The following ETV6 variants were observed in gnomAD, a reference collection of about 807,000 sequenced individuals.
The protein encoded by ETV6 is transcription factor ETV6.
A neutral mutation model predicts 51.1 loss-of-function variants in ETV6; 16 were observed. The observed-to-expected ratio is 0.31, with a 90% CI of 0.21 to 0.48. The LOEUF is 0.48. Among genes scored for constraint, ETV6 ranks in the 20% least tolerant of loss-of-function variants. ETV6 has a pLI of 0.99. For missense variants in ETV6, 458 were observed against 594.8 expected (o/e 0.77, Z 2.39); for synonymous variants, 240 against 224.1 (o/e 1.07, Z -0.64).
At chr12:11,794,858 T>C (rs1480930390) in intron 2 of ETV6, among the ~76,000 whole-genome samples, 1 of 152,248 alleles carries the variant, frequency 6.6e-6, no homozygotes, top group Non-Finnish European at 1.5e-5. Context: ...CTCTTTCTCA[T>C]TTGGTGGTAA....
At chr12:11,772,783 C>T (rs950747065) in intron 2 of ETV6, among the ~76,000 whole-genome samples, 1 of 152,170 alleles carries the variant, frequency 6.6e-6, no homozygotes, top group Non-Finnish European at 1.5e-5. Flanking sequence ...TACCTTCAAT[C>T]AACAAAAGCC....
chr12:11,723,341 G>A (rs1207664498), intron 1 of ETV6, among the ~76,000 whole-genome samples: 1 of 152,052 alleles, frequency 6.6e-6, no homozygotes, highest in African/African-American at 2.4e-5. Context: ...TCAGTACTTT[G>A]CAAGGATTAT....
chr12:11,695,668 G>A (rs903432089), intron 1 of ETV6, among the ~76,000 whole-genome samples: 1 of 152,168 alleles, frequency 6.6e-6, no homozygotes, highest in African/African-American at 2.4e-5. Context: ...TCCAGCTCTC[G>A]CCTTCATGGC....
intron 1 of ETV6, among the ~76,000 whole-genome samples, chr12:11,748,697 A>G (rs1865952718): frequency 6.6e-6 from 1 of 152,132 alleles, no homozygotes; most frequent in Non-Finnish European, 1.5e-5. Flanking sequence ...TCTCCTACTG[A>G]GCACAGACTG....
intron 2 of ETV6, among the ~76,000 whole-genome samples, chr12:11,789,311 G>C (rs910121438): frequency 1.3e-5 from 2 of 151,998 alleles, no homozygotes; most frequent in Admixed American, 6.6e-5. Context: ...GGATTACAGG[G>C]GTGAGCCACG....
chr12:11,669,638 C>T (rs1221359133), intron 1 of ETV6, among the ~76,000 whole-genome samples: 3 of 152,086 alleles, frequency 2.0e-5, no homozygotes, highest in Non-Finnish European at 2.9e-5. Flanking sequence ...TCTCCACCTC[C>T]TCCCCGGGTC....
intron 2 of ETV6, 31 bp from the exon 3 acceptor site, chr12:11,839,109 C>CTT (rs763749107): frequency 5.0e-6 from 8 of 1,598,664 alleles, no homozygotes; most frequent in Non-Finnish European, 6.8e-6. Flanking sequence ...ACCTTTCTCT[C>CTT]TTTCTTTCTG....
chr12:11,768,059 T>C (rs1050101501), intron 2 of ETV6, among the ~76,000 whole-genome samples: 6 of 152,200 alleles, frequency 3.9e-5, no homozygotes, highest in African/African-American at 1.4e-4. Context: ...ATTCCCGTTA[T>C]GGTTCTCCTT....
intron 2 of ETV6, among the ~76,000 whole-genome samples, chr12:11,812,984 G>A (rs1043876883): frequency 6.6e-6 from 1 of 152,166 alleles, no homozygotes; most frequent in Non-Finnish European, 1.5e-5. Flanking sequence ...CCCTGGCTGC[G>A]GTGACCCGGT....
At chr12:11,814,609 C>G (rs1392730837) in intron 2 of ETV6, among the ~76,000 whole-genome samples, 1 of 152,170 alleles carries the variant, frequency 6.6e-6, no homozygotes. Context: ...GCTTAGCATC[C>G]ACATCATAAA....
chr12:11,752,695 C>T (rs940797915), intron 2 of ETV6, 116 bp downstream of exon 2: 1 of 1,338,776 alleles, frequency 7.5e-7, no homozygotes, highest in African/African-American at 1.5e-5. Flanking sequence ...CAGGACTTCG[C>T]CACGCTGCTT....
intron 1 of ETV6, among the ~76,000 whole-genome samples, chr12:11,689,862 C>G (rs767234313): frequency 5.7e-5 from 8 of 140,390 alleles, no homozygotes; most frequent in African/African-American, 2.1e-4. Flanking sequence ...GCCGCACACT[C>G]TCTCCAGGGC....
chr12:11,849,154 A>G (rs1205525852), intron 3 of ETV6, among the ~76,000 whole-genome samples: 1 of 152,136 alleles, frequency 6.6e-6, no homozygotes, highest in Non-Finnish European at 1.5e-5. Flanking sequence ...ACTCTCATGC[A>G]GGCTGGAGTG....
intron 3 of ETV6, chr12:11,840,543 T>G: frequency 2.2e-6 from 1 of 455,958 alleles, no homozygotes; most frequent in Non-Finnish European, 4.4e-6. Flanking sequence ...TCAACCTTTA[T>G]TTACTCCTGG....
At chr12:11,755,738 G>A (rs1047115136) in intron 2 of ETV6, among the ~76,000 whole-genome samples, 1 of 152,328 alleles carries the variant, frequency 6.6e-6, no homozygotes, top group Middle Eastern at 3.4e-3. Flanking sequence ...AATGCTCATG[G>A]AAAGTACGGG....
Position 11,884,425 on chromosome 12 carries a change from C to A in ETV6, c.1010-20C>A. 9 of 1,613,830 alleles carry A rather than the reference C, an allele frequency of 5.6e-6. No individual in the cohort carries two copies. Among genetic ancestry groups the A allele is most frequent in the Non-Finnish European group, 7.6e-6 (9 of 1,179,814 alleles). ...CAAGAAACATTTTCAACAGTGTTTT[C>A]TTGCCCTTTTCCTCTGTAGACTGTA... On this transcript the variant is annotated intron_variant, in intron 5 of 7. Transcript: ENST00000396373.
chr12:11,674,375 A>G (rs1004241425), intron 1 of ETV6, among the ~76,000 whole-genome samples: 4 of 152,240 alleles, frequency 2.6e-5, no homozygotes, highest in East Asian at 1.9e-4. Flanking sequence ...AACAATGGCA[A>G]TGTTTCTTTT....
chr12:11,848,627 C>T (rs754634826), intron 3 of ETV6, among the ~76,000 whole-genome samples: 27 of 152,306 alleles, frequency 1.8e-4, no homozygotes, highest in Admixed American at 2.6e-4. Flanking sequence ...TGTGCGCACG[C>T]GCGTGTGCAT....
chr12:11,698,224 A>T (rs971257624), intron 1 of ETV6, among the ~76,000 whole-genome samples: 1 of 152,210 alleles, frequency 6.6e-6, no homozygotes, highest in Admixed American at 6.5e-5. Flanking sequence ...ATTTTGTACC[A>T]TGTGGGTCTG....
Sources: allele counts gnomAD v4.1 joint callset (sites outside exome capture counted in the v4.1 genomes callset), GRCh38; gene constraint gnomAD v4.1.1; transcripts MANE v1.5; gene names NCBI Gene and HGNC (gene_info 2026-07-23, HGNC 2026-07-21).